The following SPAG4 variants were observed in gnomAD, a reference collection of about 807,000 sequenced individuals.
SPAG4 encodes sperm associated antigen 4.
A neutral mutation model predicts 53.9 loss-of-function variants in SPAG4; 54 were observed. The observed-to-expected ratio is 1.00, with a 90% CI of 0.80 to 1.26. SPAG4 has a LOEUF of 1.26. SPAG4 is among the 50% of genes most tolerant of loss of function. SPAG4 has a pLI of 0.00. For synonymous variants in SPAG4, 246 were observed against 237.4 expected (o/e 1.04, Z -0.33); for missense variants, 548 against 568.6 (o/e 0.96, Z 0.37).
chr20:35,617,410 A>AGGG, intron 2 of SPAG4, 110 bp from the exon 3 acceptor site: 1 of 985,378 alleles, frequency 1.0e-6, no homozygotes, highest in Non-Finnish European at 1.5e-6. Flanking sequence ...CCTGAGCCCC[A>AGGG]GGCCCACCCC....
chr20:35,617,106 G>T, intron 1 of SPAG4, 30 bp from the exon 2 acceptor site: 1 of 1,446,016 alleles, frequency 6.9e-7, no homozygotes. Flanking sequence ...TGGTCCGCAA[G>T]GCCCCAGTGG....
intron 8 of SPAG4, 44 bp downstream of exon 8, chr20:35,619,042 G>C (rs748456754): frequency 6.4e-7 from 1 of 1,565,936 alleles, no homozygotes; most frequent in Non-Finnish European, 8.8e-7. Flanking sequence ...AGACAGGAAA[G>C]AGGCCAAGAC....
intron 8 of SPAG4, 42 bp downstream of exon 8, chr20:35,619,040 A>G (rs1407442117): frequency 1.9e-6 from 3 of 1,564,566 alleles, no homozygotes; most frequent in Non-Finnish European, 2.6e-6. Context: ...GCAGACAGGA[A>G]AGAGGCCAAG....
chr20:35,617,153 G>A lies in SPAG4; in HGVS notation c.322G>A (p.Val108Ile). 1 of 1,589,636 alleles carries A rather than the reference G, an allele frequency of 6.3e-7. No homozygotes were observed. Among genetic ancestry groups the A allele is most frequent in the South Asian group, 1.1e-5 (1 of 87,556 alleles). The change falls in exon 2 of 12, where the codon GTA becomes ATA. Residue 108 changes from valine (V) to isoleucine (I), a missense_variant. By Grantham distance (29) the Val-to-Ile change is conservative (BLOSUM62 3). Transcript: ENST00000374273. ...GGASEPTGSP[V>I]VSEEPLDLLP... ...TCCCGCAGAACCGACTGGGTCTCCA[G>A]TAGTCTCTGAGGAGCCGCTCGACCT...
chr20:35,617,930 C>A (rs968510334), intron 4 of SPAG4, 90 bp downstream of exon 4: 1 of 1,427,480 alleles, frequency 7.0e-7, no homozygotes, highest in African/African-American at 1.4e-5. Flanking sequence ...GGTCCTGCAG[C>A]TCCTGGCATT....
At chr20:35,619,554 C>G in intron 9 of SPAG4, 25 bp from the exon 10 acceptor site, 1 of 1,606,026 alleles carries the variant, frequency 6.2e-7, no homozygotes, top group East Asian at 2.2e-5. Context: ...CCGACGGTTC[C>G]GATGGTCCCT....
Position 35,620,879 on chromosome 20 carries a change from G to A in SPAG4, c.1171G>A (p.Asp391Asn). The change falls in exon 12 of 12, where the codon GAC becomes AAC. Residue 391 changes from aspartate (D) to asparagine (N), a missense_variant. Physicochemically the swap from Asp to Asn is conservative, Grantham distance 23. Transcript: ENST00000374273. Reference sequence around the variant, plus strand: ...CATGATCCATTTGTCTCCCCAGAATGACCCCCCAGCTGCCTTTCCCAAGGT... The same window carrying A: ...CATGATCCATTTGTCTCCCCAGAATAACCCCCCAGCTGCCTTTCCCAAGGT... ...SEIQTFHLQNDPPAAFPKVKI... is the reference protein window; with the variant it reads ...SEIQTFHLQNNPPAAFPKVKI... 6.2e-7 allele frequency: 1 copy of A among 1,614,054 alleles called. No individual in the cohort carries two copies. The highest frequency in any genetic ancestry group is 8.5e-7 in the Non-Finnish European group (1 of 1,179,938).
Position 35,621,061 on chromosome 20 carries a change from G to A in SPAG4, c.*39G>A, listed in dbSNP as rs6088904. On this transcript the variant is annotated 3_prime_UTR_variant, in exon 12 of 12. Transcript: ENST00000374273. ...TGGAGTAGAATTGAGTTCTGCTGAA[G>A]GATACTGGATCAGTGCTTTCGGGGG... 6.2e-7 allele frequency: 1 copy of A among 1,604,378 alleles called. No homozygotes were observed. The highest frequency in any genetic ancestry group is 8.5e-7 in the Non-Finnish European group (1 of 1,172,050).
chr20:35,616,478 C>A, intron 1 of SPAG4, 171 bp downstream of exon 1: 1 of 767,008 alleles, frequency 1.3e-6, no homozygotes, highest in Non-Finnish European at 1.6e-6. Context: ...CCTCGGTGTC[C>A]TGGACGGTTA....
Position 35,618,684 on chromosome 20 carries a change from C to A in SPAG4, c.681C>A (p.His227Gln). Reference sequence around the variant, plus strand: ...TCCAGGCCGAGCTGGATAAACTCCACAAGGAGGTGTCCACTGTTCGGGCAG... The same window carrying A: ...TCCAGGCCGAGCTGGATAAACTCCAAAAGGAGGTGTCCACTGTTCGGGCAG... ...QQLQAELDKL[H>Q]KEVSTVRAAN... is the part of the protein sequence containing the mutation. Residue 227 changes from histidine (H) to glutamine (Q), a missense_variant, in exon 7 of 12, where the codon CAC (histidine) becomes CAA (glutamine). Coordinates refer to ENST00000374273, the MANE Select transcript of SPAG4 (RefSeq NM_003116.3). 1 of 1,592,622 alleles carries A rather than the reference C, an allele frequency of 6.3e-7. No homozygotes were observed. The highest frequency in any genetic ancestry group is 1.1e-5 in the South Asian group (1 of 88,736).
At chr20:35,616,863 C>T (rs2031403110) in intron 1 of SPAG4, 1 of 476,356 alleles carries the variant, frequency 2.1e-6, no homozygotes, top group South Asian at 2.5e-5. Flanking sequence ...CTCCCGACCT[C>T]AGGTGATCCG....
chr20:35,619,368 A>G, intron 9 of SPAG4, 58 bp downstream of exon 9: 1 of 1,525,454 alleles, frequency 6.6e-7, no homozygotes, highest in Admixed American at 1.7e-5. Context: ...AAAAGCACCA[A>G]AACCCCGCCC....
At chr20:35,620,829 G>A in intron 11 of SPAG4, 47 bp from the exon 12 acceptor site, 1 of 1,612,700 alleles carries the variant, frequency 6.2e-7, no homozygotes, top group Non-Finnish European at 8.5e-7. Context: ...AGGGATGAAT[G>A]ATCCAGGAGG....
intron 6 of SPAG4, 34 bp from the exon 7 acceptor site, chr20:35,618,578 A>G (rs1309115643): frequency 6.9e-6 from 11 of 1,595,258 alleles, no homozygotes; most frequent in Middle Eastern, 3.4e-4. Context: ...GGGGACAGGG[A>G]GCCAACCCCA....
At position 35,617,522 on chromosome 20, in the gene SPAG4, C is replaced by T. The variant is rs1009993045; in HGVS notation, c.412C>T (p.Leu138=). ...PPRVFKSFLS[L]LFQGLSVLLS... The stretch of plus-strand genomic sequence containing the variant: ...CTGACCCTCTGTCCTGGCCTCAGGC[C>T]TGCTCTTCCAGGGGCTGAGCGTGTT... Residue 138 remains leucine (L), a splice_region_variant and synonymous_variant, in exon 3 of 12, where the codon CTG becomes TTG. Coordinates refer to ENST00000374273, the MANE Select transcript of SPAG4 (RefSeq NM_003116.3). 1.3e-6 allele frequency: 2 copies of T among 1,591,656 alleles called. No individual in the cohort carries two copies. Among genetic ancestry groups the T allele is most frequent in the Non-Finnish European group, 1.7e-6 (2 of 1,168,114 alleles).
At chr20:35,619,350 A>G (rs761261771) in intron 9 of SPAG4, 40 bp downstream of exon 9, 1 of 1,577,744 alleles carries the variant, frequency 6.3e-7, no homozygotes, top group Non-Finnish European at 8.7e-7. Context: ...CCCGGGCGGG[A>G]CGCTGGGAAA....
intron 1 of SPAG4, chr20:35,616,789 C>A: frequency 3.6e-6 from 1 of 277,606 alleles, no homozygotes; most frequent in Non-Finnish European, 6.9e-6. Flanking sequence ...GCCACCATGC[C>A]CGGCCAATTT....
rs753615634 is a variant in SPAG4, at chr20:35,619,327, C to A, written c.909+17C>A. The A allele has an allele frequency of 6.2e-7, 1 of 1,601,354 alleles. No individual in the cohort carries two copies. Among genetic ancestry groups the A allele is most frequent in the Non-Finnish European group, 8.6e-7 (1 of 1,168,352 alleles). On this transcript the variant is annotated intron_variant, in intron 9 of 11. Coordinates refer to ENST00000374273, the MANE Select transcript of SPAG4 (RefSeq NM_003116.3). Reference sequence around the variant, plus strand: ...ATCCTGGAGGTGAGTCTGGAAACATCCCGGGATGGGACCCCGGGCGGGACG... The same window carrying A: ...ATCCTGGAGGTGAGTCTGGAAACATACCGGGATGGGACCCCGGGCGGGACG...
chr20:35,618,891 G>A, intron 7 of SPAG4, 32 bp from the exon 8 acceptor site: 1 of 1,602,890 alleles, frequency 6.2e-7, no homozygotes, highest in African/African-American at 1.3e-5. Context: ...CGCAAGCCTC[G>A]CCCCTCCAGG....
Sources: gnomAD v4.1 joint callset for allele counts on GRCh38, gnomAD v4.1.1 for gene constraint, MANE v1.5 for transcripts, NCBI Gene and HGNC (gene_info 2026-07-23, HGNC 2026-07-21) for gene names.